The following FYTTD1 variants were observed in gnomAD, a reference collection of about 807,000 sequenced individuals.
FYTTD1 encodes forty-two-three domain containing 1, also known as UAP56-interacting factor.
A neutral mutation model predicts 40.9 loss-of-function variants in FYTTD1; 22 were observed. The ratio of observed to expected loss-of-function variants is 0.54; its 90% confidence interval spans 0.38 to 0.77. The LOEUF is 0.77. FYTTD1 is among the 30% of genes least tolerant of loss of function. The pLI is 0.00. For missense variants in FYTTD1, 351 were observed against 392.2 expected (o/e 0.90, Z 0.89); for synonymous variants, 140 against 137.9 (o/e 1.01, Z -0.10).
intron 2 of FYTTD1, among the ~76,000 whole-genome samples, chr3:197,758,963 A>G (rs1464017636): frequency 1.3e-5 from 2 of 152,250 alleles, no homozygotes; most frequent in Admixed American, 6.5e-5. Context: ...GCACTCAGTA[A>G]ATACTTGGAG....
At chr3:197,766,430 G>GGTTGTGT (rs1553909118) in intron 2 of FYTTD1, among the ~76,000 whole-genome samples, 1 of 134,996 alleles carries the variant, frequency 7.4e-6, no homozygotes, top group Non-Finnish European at 1.6e-5. Flanking sequence ...GTTTGAGACT[G>GGTTGTGT]GTGTGTGTGT....
rs759015988 is a variant in FYTTD1 at position 197,770,124 on chromosome 3, T to C, written c.385-8T>C. On this transcript the variant is annotated splice_region_variant and splice_polypyrimidine_tract_variant and intron_variant, in intron 3 of 8. Coordinates refer to ENST00000241502, the MANE Select transcript of FYTTD1 (RefSeq NM_032288.7). ...ATTTGATTAACATAATTTCTTGCCT[T>C]CTGATAGAATATAGAACAATATTTT... is the stretch of plus-strand genomic sequence containing the variant. 8.5e-6 allele frequency: 13 copies of C among 1,530,416 alleles called. No homozygotes were observed. In the South Asian group the frequency reaches 1.4e-4, roughly 17 times the overall value. The allele number at this position is 1,530,416 out of a possible 1,614,324, so 94.8% of individuals were successfully genotyped here.
chr3:197,768,505 T>C lies in FYTTD1; in HGVS notation c.302T>C (p.Val101Ala), dbSNP rs149032181. 3 of 1,612,950 alleles carry C rather than the reference T, an allele frequency of 1.9e-6. No individual in the cohort carries two copies. The highest frequency in any genetic ancestry group is 2.5e-6 in the Non-Finnish European group (3 of 1,179,250). ...CCTGGAAAGAGACGTCCTAATGGAG[T>C]TATCACTGGCCTTGCAGCTAGGAAA... is the stretch of plus-strand genomic sequence containing the variant. ...VMPGKRRPNG[V>A]ITGLAARKTT... is the part of the protein sequence containing the mutation. Residue 101 changes from valine (V) to alanine (A), a missense_variant, in exon 3 of 9, where the codon GTT becomes GCT. Val to Ala is a moderately conservative substitution (Grantham distance 64, BLOSUM62 0). Transcript: ENST00000241502.
At chr3:197,764,447 C>G (rs116329652) in intron 2 of FYTTD1, among the ~76,000 whole-genome samples, 2 of 152,232 alleles carry the variant, frequency 1.3e-5, no homozygotes, top group African/African-American at 4.8e-5. Flanking sequence ...AAGTGGCTCA[C>G]GCCAGTAATC....
intron 2 of FYTTD1, among the ~76,000 whole-genome samples, chr3:197,760,224 GAAT>G (rs1260659775): frequency 3.0e-5 from 4 of 135,272 alleles, no homozygotes; most frequent in Admixed American, 7.4e-5. Flanking sequence ...AGAACGTATA[GAAT>G]TGTTCTTCAG....
In FYTTD1 at chr3:197,749,966, C is replaced by T. The variant is rs779441651; in HGVS notation, c.-6C>T. On this transcript the variant is annotated 5_prime_UTR_variant, in exon 1 of 9. Transcript: ENST00000241502. ...CGCGCCCGCTCTCGGCGCGACGTCT[C>T]CAGCCATGAACCGGTTTGGTACCCG... 1.9e-6 allele frequency: 3 copies of T among 1,567,356 alleles called. No homozygotes were observed. Among genetic ancestry groups the T allele is most frequent in the South Asian group, 1.2e-5 (1 of 86,766 alleles).
upstream of FYTTD1, chr3:197,749,585 C>G (rs1231740215): frequency 7.9e-7 from 1 of 1,262,662 alleles, no homozygotes; most frequent in East Asian, 5.5e-5. Flanking sequence ...TATAGGGGAC[C>G]TGTCTGCAGC....
In FYTTD1 at chr3:197,773,438, A is replaced by G; in HGVS notation, c.533A>G (p.Asn178Ser). The change falls in exon 5 of 9, where the codon AAT becomes AGT. Residue 178 changes from asparagine (N) to serine (S), a missense_variant. Transcript: ENST00000241502. ...CCAGCTAATTTTACCAGGAGTGGAA[A>G]TAAATTAAATCATCAGAAAGATACT... ...NIPANFTRSG[N>S]KLNHQKDTRQ... is the part of the protein sequence containing the mutation. 2 of 1,603,926 alleles carry G rather than the reference A, an allele frequency of 1.2e-6. No homozygotes were observed. Among genetic ancestry groups the G allele is most frequent in the South Asian group, 1.1e-5 (1 of 89,850 alleles).
intron 4 of FYTTD1, 31 bp downstream of exon 4, chr3:197,770,275 T>C (rs373309419): frequency 7.3e-6 from 10 of 1,369,150 alleles, no homozygotes; most frequent in Non-Finnish European, 1.0e-5. Flanking sequence ...ATGTGTTATT[T>C]TGCATTAAAA....
Position 197,783,955 on chromosome 3 carries a change from GT to G in FYTTD1, c.*2050del, listed in dbSNP as rs1730096596. 1 of 151,874 alleles carries G rather than the reference GT, an allele frequency of 6.6e-6. No homozygotes were observed. The highest frequency in any genetic ancestry group is 2.4e-5 in the African/African-American group (1 of 41,172). The allele number at this position is 151,874 out of a possible 1,614,324, so 9.4% of individuals were successfully genotyped here. On this transcript the variant is annotated 3_prime_UTR_variant, in exon 9 of 9. Coordinates refer to ENST00000241502, the MANE Select transcript of FYTTD1 (RefSeq NM_032288.7). ...TCTGTAATTTAATTTTAAGTATAAT[GT>G]TTTGCCTTTGGTACAACTAAATTAA...
At chr3:197,752,361 A>G (rs1326293001) in intron 1 of FYTTD1, among the ~76,000 whole-genome samples, 1 of 152,220 alleles carries the variant, frequency 6.6e-6, no homozygotes, top group African/African-American at 2.4e-5. Flanking sequence ...AGTGTTTACC[A>G]CATAGGGTTG....
chr3:197,766,255 T>C (rs1729541158), intron 2 of FYTTD1, among the ~76,000 whole-genome samples: 1 of 152,110 alleles, frequency 6.6e-6, no homozygotes, highest in Non-Finnish European at 1.5e-5. Context: ...ATGGATGTGT[T>C]TAAAAATATA....
upstream of FYTTD1, chr3:197,749,773 G>T: frequency 1.8e-6 from 1 of 557,826 alleles, no homozygotes. Flanking sequence ...GCCGCTAGGA[G>T]CGAGTCACGG....
upstream of FYTTD1, chr3:197,749,788 G>A (rs1728931023): frequency 4.0e-6 from 2 of 499,064 alleles, no homozygotes; most frequent in Non-Finnish European, 7.2e-6. Flanking sequence ...TCACGGCGCG[G>A]GGCCGCTCTG....
At chr3:197,767,081 T>C (rs1187407826) in intron 2 of FYTTD1, among the ~76,000 whole-genome samples, 1 of 152,160 alleles carries the variant, frequency 6.6e-6, no homozygotes. Context: ...ACCCCCTTTT[T>C]TTTTTTAACG....
chr3:197,751,720 T>C (rs1729062321), intron 1 of FYTTD1, among the ~76,000 whole-genome samples: 1 of 151,226 alleles, frequency 6.6e-6, no homozygotes, highest in African/African-American at 2.4e-5. Context: ...TATTGAGTGC[T>C]TACTACCTAC....
chr3:197,758,882 C>T (rs574253932), intron 2 of FYTTD1, among the ~76,000 whole-genome samples: 2 of 152,290 alleles, frequency 1.3e-5, no homozygotes, highest in South Asian at 2.1e-4. Context: ...TGCAGATCCG[C>T]GGTATGATTT....
chr3:197,778,098 A>G (rs1467556775), intron 7 of FYTTD1, among the ~76,000 whole-genome samples: 1 of 152,240 alleles, frequency 6.6e-6, no homozygotes, highest in East Asian at 1.9e-4. Flanking sequence ...TGGAAGATCA[A>G]GAGTTAGGAA....
intron 1 of FYTTD1, chr3:197,750,347 G>T: frequency 8.8e-7 from 1 of 1,141,748 alleles, no homozygotes; most frequent in Non-Finnish European, 1.1e-6. Flanking sequence ...GGGCCCGAAG[G>T]TTCGCAGGGT....
Sources: gnomAD v4.1 joint callset for allele counts (sites outside exome capture counted in the v4.1 genomes callset) on GRCh38, gnomAD v4.1.1 for gene constraint, MANE v1.5 for transcripts, NCBI Gene and HGNC (gene_info 2026-07-23, HGNC 2026-07-21) for gene names.